CNTN5: variants seen among roughly 807,000 people sequenced by gnomAD.
The protein encoded by CNTN5 is contactin-5.
In CNTN5, 77 loss-of-function variants were observed where a neutral mutation model predicts 129.1. The ratio of observed to expected loss-of-function variants is 0.60; its 90% CI spans 0.50 to 0.72. The LOEUF (loss-of-function observed/expected upper bound fraction) is 0.72. CNTN5 is among the 30% of genes least tolerant of loss of function. The pLI is 0.00. For synonymous variants in CNTN5, 509 were observed against 465.6 expected, an observed-to-expected ratio of 1.09 and a Z score of -1.20; for missense variants, 1,478 against 1,328.8, an observed-to-expected ratio of 1.11 and a Z score of -1.75.
At chr11:100,282,234 G>A (rs1035142665) in intron 18 of CNTN5, among the ~76,000 whole-genome samples, 6 of 152,062 alleles carry the variant, frequency 3.9e-5, no homozygotes, top group Admixed American at 6.6e-5. Context: ...CCTGCCTTTC[G>A]TGGGCAGGCT....
intron 6 of CNTN5, among the ~76,000 whole-genome samples, chr11:99,848,589 A>G (rs1947776324): frequency 6.6e-6 from 1 of 152,172 alleles, no homozygotes; most frequent in Non-Finnish European, 1.5e-5. Context: ...AAATTTATAA[A>G]TCGTCAAAAT....
At position 99,446,023 on chromosome 11, in the gene CNTN5, G is replaced by A. The variant is rs549736058; in HGVS notation, c.-70-110122G>A. On this transcript the variant is annotated intron_variant, in intron 2 of 24. Coordinates refer to ENST00000524871, the MANE Select transcript of CNTN5 (RefSeq NM_014361.4). ...CGCTTGAACCTAGGAGGCGGAGGTT[G>A]CAGTGAGCCAAGGTCGCACCACGGC... Among the ~76,000 whole-genome samples the A allele has an allele frequency of 2.4e-3, 357 of 150,962 alleles. 5 individuals carry two copies. The highest frequency in any genetic ancestry group is 7.8e-3 in the African/African-American group (321 of 41,108).
At chr11:100,349,391 CAAT>C (rs1952355937) in intron 23 of CNTN5, among the ~76,000 whole-genome samples, 1 of 151,848 alleles carries the variant, frequency 6.6e-6, no homozygotes, top group South Asian at 2.1e-4. Flanking sequence ...AGTTAATAAA[CAAT>C]GATGGCAACA....
intron 9 of CNTN5, among the ~76,000 whole-genome samples, chr11:100,046,824 G>A (rs1942705535): frequency 6.6e-6 from 1 of 152,040 alleles, no homozygotes. Context: ...GTCATATATT[G>A]GATAACAGGC....
intron 1 of CNTN5, among the ~76,000 whole-genome samples, chr11:99,224,489 A>C (rs1482015951): frequency 6.6e-6 from 1 of 152,072 alleles, no homozygotes; most frequent in African/African-American, 2.4e-5. Flanking sequence ...GACACTTCAC[A>C]CAAAATTTTC....
intron 18 of CNTN5, among the ~76,000 whole-genome samples, chr11:100,297,216 A>G (rs999720440): frequency 4.0e-5 from 6 of 151,594 alleles, no homozygotes; most frequent in Non-Finnish European, 4.4e-5. Flanking sequence ...GGGTTCTGGT[A>G]AGGCAGTAAT....
intron 6 of CNTN5, among the ~76,000 whole-genome samples, chr11:99,906,033 G>T (rs1456372525): frequency 6.6e-6 from 1 of 152,102 alleles, no homozygotes; most frequent in Non-Finnish European, 1.5e-5. Context: ...AGGAGATTTT[G>T]GGCTGAGACG....
intron 2 of CNTN5, among the ~76,000 whole-genome samples, chr11:99,392,590 G>C (rs1441158226): frequency 4.0e-5 from 6 of 151,764 alleles, no homozygotes; most frequent in East Asian, 1.9e-4. Context: ...ATAATTATCA[G>C]GTCCCCAAGA....
At chr11:99,169,762 GA>G (rs1435846145) in intron 1 of CNTN5, among the ~76,000 whole-genome samples, 3 of 152,056 alleles carry the variant, frequency 2.0e-5, no homozygotes, top group Admixed American at 6.5e-5. Flanking sequence ...TTTAGTCGGT[GA>G]AAAACATTAT....
intron 2 of CNTN5, among the ~76,000 whole-genome samples, chr11:99,516,980 G>A (rs1947078040): frequency 6.6e-6 from 1 of 152,072 alleles, no homozygotes; most frequent in Non-Finnish European, 1.5e-5. Flanking sequence ...GTATTTCTTT[G>A]ATTATTTTAA....
At chr11:99,386,871 C>T (rs1183065468) in intron 2 of CNTN5, among the ~76,000 whole-genome samples, 2 of 151,966 alleles carry the variant, frequency 1.3e-5, no homozygotes, top group Non-Finnish European at 1.5e-5. Context: ...AGGCATTTCT[C>T]CTCAAGTTTA....
At chr11:99,222,816 T>G (rs1860464252) in intron 1 of CNTN5, among the ~76,000 whole-genome samples, 1 of 152,194 alleles carries the variant, frequency 6.6e-6, no homozygotes, top group South Asian at 2.1e-4. Context: ...GTATTCTTCC[T>G]TGTCTAGTCG....
At chr11:99,049,634 C>G (rs942434772) in intron 1 of CNTN5, 8 of 152,134 alleles carry the variant, frequency 5.3e-5, no homozygotes, top group Non-Finnish European at 4.4e-5. Flanking sequence ...GGACCCTCCC[C>G]AGCAATGGAA....
At chr11:99,298,688 A>G (rs1400278792) in intron 1 of CNTN5, among the ~76,000 whole-genome samples, 2 of 152,182 alleles carry the variant, frequency 1.3e-5, no homozygotes, top group African/African-American at 2.4e-5. Flanking sequence ...TCAGATAGGC[A>G]CTGCCATTTT....
At chr11:100,078,267 A>C (rs1944224202) in intron 13 of CNTN5, among the ~76,000 whole-genome samples, 1 of 152,170 alleles carries the variant, frequency 6.6e-6, no homozygotes, top group Non-Finnish European at 1.5e-5. Context: ...CATTATTCTA[A>C]AGTTGAAAAT....
At chr11:100,288,070 T>C (rs1301206237) in intron 18 of CNTN5, among the ~76,000 whole-genome samples, 1 of 152,074 alleles carries the variant, frequency 6.6e-6, no homozygotes, top group Non-Finnish European at 1.5e-5. Flanking sequence ...ATCCTAAATA[T>C]ATATGCACCC....
chr11:99,156,051 AC>A (rs1195578262), intron 1 of CNTN5, among the ~76,000 whole-genome samples: 1 of 152,078 alleles, frequency 6.6e-6, no homozygotes, highest in Non-Finnish European at 1.5e-5. Flanking sequence ...TAACCAAAAA[AC>A]AACCCCAAAA....
At chr11:100,037,704 T>A (rs1290823734) in intron 9 of CNTN5, among the ~76,000 whole-genome samples, 1 of 152,230 alleles carries the variant, frequency 6.6e-6, no homozygotes, top group Non-Finnish European at 1.5e-5. Context: ...TGGGAGGATG[T>A]ATGTGTTGAG....
intron 6 of CNTN5, among the ~76,000 whole-genome samples, chr11:99,912,631 G>C (rs1818085073): frequency 7.0e-6 from 1 of 142,336 alleles, no homozygotes; most frequent in Non-Finnish European, 1.5e-5. Flanking sequence ...ATCTATTATT[G>C]TATGTTTTTC....
Sources: gnomAD v4.1 joint callset for allele counts (sites outside exome capture counted in the v4.1 genomes callset) on GRCh38, gnomAD v4.1.1 for gene constraint, MANE v1.5 for transcripts, NCBI Gene and HGNC (gene_info 2026-07-23, HGNC 2026-07-21) for gene names.